AK9: variants seen among roughly 807,000 people sequenced by gnomAD.
The protein encoded by AK9 is adenylate kinase 9, also known as adenylate kinase domain containing 1.
Under a neutral mutation model 239.6 loss-of-function variants are expected in AK9, and 191 were observed. The ratio of observed to expected loss-of-function variants is 0.80; its 90% confidence interval spans 0.71 to 0.90. AK9 has a LOEUF of 0.90. Ranked by LOEUF, AK9 falls within the 40% of genes least tolerant of loss-of-function variation. The pLI, the probability that AK9 is intolerant of heterozygous loss-of-function variation, is 0.00. For synonymous variants in AK9, 689 were observed against 721.0 expected (o/e 0.96, Z 0.71); for missense variants, 1,995 against 2,214.7 (o/e 0.90, Z 1.99).
chr6:109,616,063 C>T (rs1156580814), intron 13 of AK9, among the ~76,000 whole-genome samples: 1 of 151,972 alleles, frequency 6.6e-6, no homozygotes. Flanking sequence ...TACTGAGACC[C>T]CTGTCTCTGC....
At chr6:109,544,186 A>T (rs1783236863) in intron 26 of AK9, among the ~76,000 whole-genome samples, 1 of 152,154 alleles carries the variant, frequency 6.6e-6, no homozygotes, top group African/African-American at 2.4e-5. Context: ...GTCACTCACT[A>T]TCCAACCCTG....
At chr6:109,615,324 T>C (rs1037182468) in intron 13 of AK9, among the ~76,000 whole-genome samples, 1 of 151,788 alleles carries the variant, frequency 6.6e-6, no homozygotes, top group Non-Finnish European at 1.5e-5. Context: ...GGACTTCATG[T>C]GTCTTGTTCT....
chr6:109,629,732 A>G (rs1795924009), intron 12 of AK9, among the ~76,000 whole-genome samples: 1 of 151,780 alleles, frequency 6.6e-6, no homozygotes, highest in South Asian at 2.1e-4. Flanking sequence ...TCCCGGGTTC[A>G]CGCCATTCTC....
At chr6:109,573,681 G>T in intron 20 of AK9, 87 bp from the exon 21 acceptor site, 1 of 1,293,266 alleles carries the variant, frequency 7.7e-7, no homozygotes, top group Non-Finnish European at 1.0e-6. Flanking sequence ...GCCAAACAAA[G>T]AATATGAAAT....
rs1399564153 is a variant in AK9, at chr6:109,578,981, G to A, written c.2191+569C>T. 2.0e-5 allele frequency among the ~76,000 whole-genome samples: 3 copies of A among 152,260 alleles called. No individual in the cohort carries two copies. The East Asian group carries it at 5.8e-4, about 29-fold the overall frequency. On this transcript the variant is annotated intron_variant, in intron 20 of 40. Transcript: ENST00000424296. Reference sequence around the variant, plus strand: ...TATCTTGGAGGATATTCCATGTGCTGATGAATAGAATGTATATTCTGCAGT... The same window carrying A: ...TATCTTGGAGGATATTCCATGTGCTAATGAATAGAATGTATATTCTGCAGT...
rs528660356 is a variant in AK9, at chr6:109,620,181, A to G, written c.1255-945T>C. ...TCTCTTGGGTAAATACCTAGGAGTG[A>G]AATTCCTGGGTCATATGGTAAGTGT... On this transcript the variant is annotated intron_variant, in intron 12 of 40. Coordinates refer to ENST00000424296, the MANE Select transcript of AK9 (RefSeq NM_001145128.3). Among the ~76,000 whole-genome samples, 122 of 152,272 alleles carry G rather than the reference A, an allele frequency of 8.0e-4. 1 individual carries two copies. In the South Asian group the frequency reaches 0.025, roughly 31 times the overall value.
intron 24 of AK9, among the ~76,000 whole-genome samples, chr6:109,557,846 T>C (rs886981787): frequency 1.3e-5 from 2 of 152,210 alleles, no homozygotes; most frequent in African/African-American, 4.8e-5. Flanking sequence ...TACCAAGTTA[T>C]ATTCCCACGA....
At chr6:109,582,330 C>A (rs1007871393) in intron 19 of AK9, among the ~76,000 whole-genome samples, 1 of 152,114 alleles carries the variant, frequency 6.6e-6, no homozygotes, top group African/African-American at 2.4e-5. Context: ...AAATTGAAAA[C>A]CTTCTGGAAA....
intron 24 of AK9, among the ~76,000 whole-genome samples, chr6:109,552,323 C>T (rs1004301391): frequency 5.9e-5 from 9 of 152,226 alleles, no homozygotes; most frequent in African/African-American, 2.2e-4. Flanking sequence ...CTCCCACCAA[C>T]ACTGTAAAAG....
At chr6:109,594,374 A>C (rs1353226446) in intron 17 of AK9, among the ~76,000 whole-genome samples, 9 of 152,258 alleles carry the variant, frequency 5.9e-5, no homozygotes, top group Non-Finnish European at 1.2e-4. Flanking sequence ...AGAGGACACA[A>C]ATGGAAAAAC....
In AK9 at chr6:109,497,570, G is replaced by A. The variant is rs1160777855; in HGVS notation, c.5217-7C>T. The A allele has an allele frequency of 1.3e-6, 2 of 1,566,050 alleles. No homozygotes were observed. The highest frequency in any genetic ancestry group is 1.7e-6 in the Non-Finnish European group (2 of 1,145,482). The stretch of plus-strand genomic sequence containing the variant: ...AGGTACTAGAGCTTCATATCTGGAA[G>A]ACCAAAAAACAAAACAAAACCTCTA... On this transcript the variant is annotated splice_region_variant and splice_polypyrimidine_tract_variant and intron_variant, in intron 37 of 40. Coordinates refer to ENST00000424296, the MANE Select transcript of AK9 (RefSeq NM_001145128.3).
At chr6:109,541,354 C>T (rs1402455585) in intron 27 of AK9, among the ~76,000 whole-genome samples, 1 of 152,172 alleles carries the variant, frequency 6.6e-6, no homozygotes, top group African/African-American at 2.4e-5. Context: ...TATAGTTTTA[C>T]ATCTTTTTAA....
At position 109,514,425 on chromosome 6, in the gene AK9, C is replaced by T. The variant is rs1348190520; in HGVS notation, c.4078G>A (p.Glu1360Lys). The change falls in exon 32 of 41, where the codon GAG becomes AAG. Residue 1360 changes from glutamate (E) to lysine (K), a missense_variant. Around this residue, in one of 5 missense-constraint regions of AK9, gnomAD observed 1,290 missense variants for 1,392.7 expected, o/e 0.93. Transcript: ENST00000424296. ...GCATTTTCAACTGGCTTGATTGTCT[C>T]TCCTTCACTTAGCTGCAACATATAC... ...YWDPVKLSEG[E>K]TIKPVENAEN... The T allele has an allele frequency of 4.5e-6, 7 of 1,544,006 alleles. No homozygotes were observed. The Admixed American group carries it at 8.0e-5, about 18-fold the overall frequency.
chr6:109,538,405 T>C (rs1315366073), intron 27 of AK9, among the ~76,000 whole-genome samples: 1 of 152,216 alleles, frequency 6.6e-6, no homozygotes, highest in African/African-American at 2.4e-5. Context: ...AAAGTCTGTT[T>C]TATCAGAGAC....
At chr6:109,631,547 T>C (rs1796089509) in intron 12 of AK9, 1 of 152,148 alleles carries the variant, frequency 6.6e-6, no homozygotes. Flanking sequence ...TTGACAGGAA[T>C]GTGGAATAAC....
chr6:109,567,858 T>C (rs1286487977), intron 21 of AK9, among the ~76,000 whole-genome samples: 2 of 144,836 alleles, frequency 1.4e-5, no homozygotes, highest in Non-Finnish European at 3.0e-5. Context: ...ATTGTGCACA[T>C]GTACCCTAGA....
chr6:109,608,093 T>C (rs1037225692), intron 17 of AK9, among the ~76,000 whole-genome samples: 1 of 151,654 alleles, frequency 6.6e-6, no homozygotes, highest in Non-Finnish European at 1.5e-5. Flanking sequence ...TTGGCCAACA[T>C]GGTGAAATTC....
intron 7 of AK9, among the ~76,000 whole-genome samples, 175 bp from the exon 8 acceptor site, chr6:109,657,059 C>A (rs1462248469): frequency 6.6e-6 from 1 of 152,134 alleles, no homozygotes; most frequent in Admixed American, 6.6e-5. Context: ...AACGGGTCTT[C>A]ATCAGATGGA....
chr6:109,600,001 T>C (rs1229149921), intron 17 of AK9, among the ~76,000 whole-genome samples: 1 of 152,220 alleles, frequency 6.6e-6, no homozygotes, highest in Non-Finnish European at 1.5e-5. Context: ...GTTTTCTAGA[T>C]ATACAATCAT....
Sources: gnomAD v4.1 joint callset for allele counts (sites outside exome capture counted in the v4.1 genomes callset) on GRCh38, gnomAD v4.1.1 for gene constraint, gnomAD v4.1.1 regional missense constraint, MANE v1.5 for transcripts, NCBI Gene and HGNC (gene_info 2026-07-23, HGNC 2026-07-21) for gene names.